Variants in METTL15 observed in about 807,000 individuals in gnomAD.
METTL15 encodes methyltransferase 15, mitochondrial 12S rRNA N4-cytidine.
A neutral mutation model predicts 38.3 loss-of-function variants in METTL15; 34 were observed. The ratio of observed to expected loss-of-function variants is 0.89; its 90% CI spans 0.68 to 1.18. The LOEUF (loss-of-function observed/expected upper bound fraction) is 1.18, where lower values mean the gene tolerates loss of function less well. Ranked by LOEUF, METTL15 falls within the 50% of genes most tolerant of loss-of-function variation. METTL15 has a pLI of 0.00. For missense variants in METTL15, 438 were observed against 498.4 expected (o/e 0.88, Z 1.15); for synonymous variants, 162 against 170.9 (o/e 0.95, Z 0.41).
At chr11:28,221,263 T>C (rs1051487896) in intron 4 of METTL15, among the ~76,000 whole-genome samples, 1 of 152,196 alleles carries the variant, frequency 6.6e-6, no homozygotes, top group African/African-American at 2.4e-5. Flanking sequence ...TTCATTTCTT[T>C]TTATTCTTTT....
chr11:28,330,754 C>G lies in METTL15; in HGVS notation c.1137C>G (p.His379Gln). ...RRAPLMWELI[H>Q]KKVLSPQDQD... ...CTCCTTTAATGTGGGAATTGATACACAAGAAGGTACTTAGTCCACAAGATC... is the reference window on the plus strand; with the variant it reads ...CTCCTTTAATGTGGGAATTGATACAGAAGAAGGTACTTAGTCCACAAGATC... Residue 379 changes from histidine (H) to glutamine (Q), a missense_variant, in exon 7 of 7, where the codon CAC becomes CAG. Physicochemically the swap from His to Gln is conservative, Grantham distance 24 (BLOSUM62 0). Transcript: ENST00000407364. The G allele has an allele frequency of 1.0e-5, 16 of 1,551,706 alleles. No homozygotes were observed. Among genetic ancestry groups the G allele is most frequent in the Non-Finnish European group, 1.4e-5 (16 of 1,146,854 alleles).
At chr11:28,219,042 C>T (rs1019297719) in intron 4 of METTL15, among the ~76,000 whole-genome samples, 8 of 152,134 alleles carry the variant, frequency 5.3e-5, no homozygotes, top group South Asian at 4.2e-4. Context: ...TGTCTCTGCC[C>T]GGCTTTGGTA....
At chr11:28,190,800 T>A (rs1330140584) in intron 3 of METTL15, among the ~76,000 whole-genome samples, 5 of 151,314 alleles carry the variant, frequency 3.3e-5, no homozygotes, top group Admixed American at 6.6e-5. Flanking sequence ...CAAATTAAAA[T>A]GTTAGCAAAA....
intron 5 of METTL15, among the ~76,000 whole-genome samples, chr11:28,412,907 T>C (rs181202983): frequency 2.0e-5 from 3 of 152,152 alleles, no homozygotes; most frequent in Admixed American, 2.0e-4. Flanking sequence ...CTGTCACATA[T>C]ACAATAGTAA....
intron 3 of METTL15, among the ~76,000 whole-genome samples, chr11:28,119,866 G>A (rs1025650799): frequency 6.6e-6 from 1 of 152,126 alleles, no homozygotes; most frequent in Non-Finnish European, 1.5e-5. Flanking sequence ...GGCTGATGAC[G>A]GGAGTTTATT....
chr11:28,358,323 T>C (rs754092149), intron 4 of METTL15, among the ~76,000 whole-genome samples: 23 of 152,248 alleles, frequency 1.5e-4, no homozygotes, highest in Non-Finnish European at 2.8e-4. Flanking sequence ...GCTGGACTTC[T>C]GTCCTACTGA....
At chr11:28,180,030 A>C (rs1179144077) in intron 3 of METTL15, among the ~76,000 whole-genome samples, 1 of 151,790 alleles carries the variant, frequency 6.6e-6, no homozygotes, top group Non-Finnish European at 1.5e-5. Flanking sequence ...AAATGGTCTA[A>C]AGTTGGGATC....
rs1395675932 is a variant in METTL15 at position 28,333,127 on chromosome 11, C to T, written c.*2286C>T. On this transcript the variant is annotated 3_prime_UTR_variant, in exon 7 of 7. Coordinates refer to ENST00000407364, the MANE Select transcript of METTL15 (RefSeq NM_001113528.2). Reference sequence around the variant, plus strand: ...TAACATGGTTTTGCACATCTAGCATCCAGAACAGTGAGAATGTATTTCTGC... The same window carrying T: ...TAACATGGTTTTGCACATCTAGCATTCAGAACAGTGAGAATGTATTTCTGC... The T allele has an allele frequency of 2.0e-5, 3 of 151,326 alleles. No individual in the cohort carries two copies. Among genetic ancestry groups the T allele is most frequent in the African/African-American group, 7.3e-5 (3 of 40,974 alleles). The allele number at this position is 151,326 out of a possible 1,614,324, so 9.4% of individuals were successfully genotyped here.
intron 4 of METTL15, among the ~76,000 whole-genome samples, chr11:28,269,867 A>G (rs1182267307): frequency 6.6e-6 from 1 of 152,216 alleles, no homozygotes; most frequent in East Asian, 1.9e-4. Context: ...CTGCCAGTGT[A>G]TTTTAAATTG....
chr11:28,499,175 T>A lies in METTL15; in HGVS notation c.*425-27303T>A, dbSNP rs146446432. Reference sequence around the variant, plus strand: ...GGGGTCTGCTGGTCTCAAGCAGACCTGCCCCTTGGACCTTTGCCTAGGATA... The same window carrying A: ...GGGGTCTGCTGGTCTCAAGCAGACCAGCCCCTTGGACCTTTGCCTAGGATA... On this transcript the variant is annotated intron_variant and NMD_transcript_variant, in intron 6 of 7. Transcript: ENST00000532947. Among the ~76,000 whole-genome samples the A allele has an allele frequency of 4.2e-3, 639 of 152,316 alleles. 7 individuals are homozygous for A. The highest frequency in any genetic ancestry group is 0.014 in the African/African-American group (571 of 41,572).
At chr11:28,480,194 A>C (rs775866375) in intron 6 of METTL15, among the ~76,000 whole-genome samples, 5 of 152,194 alleles carry the variant, frequency 3.3e-5, no homozygotes, top group Non-Finnish European at 5.9e-5. Flanking sequence ...TTTCTTCATC[A>C]TATTCTTAAG....
chr11:28,337,460 C>G (rs1459415643), downstream of METTL15, among the ~76,000 whole-genome samples: 1 of 151,998 alleles, frequency 6.6e-6, no homozygotes, highest in Admixed American at 6.6e-5. Context: ...AAGCAATCCT[C>G]CCACCTCAGC....
intron 3 of METTL15, among the ~76,000 whole-genome samples, chr11:28,206,948 A>T (rs1418879053): frequency 9.4e-6 from 1 of 106,560 alleles, no homozygotes; most frequent in Non-Finnish European, 1.8e-5. Flanking sequence ...TGATTTTTGT[A>T]TATTGATTTT....
intron 4 of METTL15, among the ~76,000 whole-genome samples, chr11:28,279,275 AC>A (rs2133970428): frequency 6.6e-6 from 1 of 152,052 alleles, no homozygotes; most frequent in South Asian, 2.1e-4. Context: ...TCTTACTTTC[AC>A]CTTTTTTTGA....
intron 6 of METTL15, among the ~76,000 whole-genome samples, chr11:28,478,379 T>C (rs1336192388): frequency 6.6e-6 from 1 of 152,184 alleles, no homozygotes; most frequent in African/African-American, 2.4e-5. Flanking sequence ...GCCTTTAAAT[T>C]AGACAATTTT....
At chr11:28,129,338 T>C (rs1463010461) in intron 3 of METTL15, among the ~76,000 whole-genome samples, 1 of 152,210 alleles carries the variant, frequency 6.6e-6, no homozygotes, top group Admixed American at 6.5e-5. Context: ...AGTCATACTT[T>C]GACATTGGTG....
chr11:28,432,767 C>T (rs958128978), intron 6 of METTL15, among the ~76,000 whole-genome samples: 1 of 152,106 alleles, frequency 6.6e-6, no homozygotes, highest in African/African-American at 2.4e-5. Flanking sequence ...AATGAATTCT[C>T]AGCTGTTCTT....
chr11:28,453,768 C>T (rs1216583584), intron 6 of METTL15, among the ~76,000 whole-genome samples: 1 of 152,170 alleles, frequency 6.6e-6, no homozygotes, highest in African/African-American at 2.4e-5. Flanking sequence ...CATTAGCTTT[C>T]ACTATGTGCG....
chr11:28,153,835 G>C (rs1850174953), intron 3 of METTL15, among the ~76,000 whole-genome samples: 1 of 152,116 alleles, frequency 6.6e-6, no homozygotes, highest in Admixed American at 6.6e-5. Flanking sequence ...ATTCTGGACA[G>C]AGGATCTAAT....
Sources: gnomAD v4.1 joint callset for allele counts (sites outside exome capture counted in the v4.1 genomes callset) on GRCh38, gnomAD v4.1.1 for gene constraint, MANE v1.5 for transcripts, NCBI Gene and HGNC (gene_info 2026-07-23, HGNC 2026-07-21) for gene names.